The following CACNA2D3 variants were observed in gnomAD, a reference collection of about 807,000 sequenced individuals.
CACNA2D3 encodes calcium voltage-gated channel auxiliary subunit alpha2delta 3.
CACNA2D3 carries 60 observed loss-of-function variants against 160.6 expected under a neutral mutation model. The observed-to-expected ratio is 0.37, with a 90% CI of 0.30 to 0.46. The LOEUF is 0.46. CACNA2D3 is among the 20% of genes least tolerant of loss of function. The pLI is 1.00. For synonymous variants in CACNA2D3, 558 were observed against 492.9 expected (o/e 1.13, Z -1.75); for missense variants, 1,205 against 1,365.0 (o/e 0.88, Z 1.85).
At chr3:54,899,301 A>T (rs77378286) in intron 26 of CACNA2D3, among the ~76,000 whole-genome samples, 1 of 152,178 alleles carries the variant, frequency 6.6e-6, no homozygotes, top group Non-Finnish European at 1.5e-5. Context: ...AATTTTGCCC[A>T]GAAAAACTGG....
At chr3:54,780,798 G>T (rs1702518617) in intron 13 of CACNA2D3, among the ~76,000 whole-genome samples, 1 of 152,088 alleles carries the variant, frequency 6.6e-6, no homozygotes, top group South Asian at 2.1e-4. Context: ...TTCAACTTTT[G>T]TAACAGTATA....
chr3:54,298,944 T>TAAAAAAAAAAAAAAA (rs59100168), intron 2 of CACNA2D3, among the ~76,000 whole-genome samples: 1 of 99,254 alleles, frequency 1.0e-5, no homozygotes, highest in South Asian at 3.2e-4. Context: ...CTCTGTTTCT[T>TAAAAAAAAAAAAAAA]AAAAAAAAAA....
intron 27 of CACNA2D3, among the ~76,000 whole-genome samples, chr3:54,920,386 C>G (rs932218632): frequency 1.3e-5 from 2 of 151,720 alleles, no homozygotes; most frequent in African/African-American, 4.8e-5. Context: ...CTTTTTGTTG[C>G]CACTGCTTAA....
At chr3:54,843,789 C>G (rs752731895) in intron 16 of CACNA2D3, among the ~76,000 whole-genome samples, 5 of 152,130 alleles carry the variant, frequency 3.3e-5, no homozygotes, top group African/African-American at 1.2e-4. Context: ...TGGAGCAAAC[C>G]TGGAGAAAAA....
intron 11 of CACNA2D3, among the ~76,000 whole-genome samples, chr3:54,692,752 C>T (rs752196841): frequency 2.6e-5 from 4 of 152,172 alleles, no homozygotes; most frequent in Non-Finnish European, 5.9e-5. Context: ...TTACAGGTTT[C>T]TTTCATTCTG....
intron 12 of CACNA2D3, among the ~76,000 whole-genome samples, chr3:54,759,772 T>TA (rs1702046137): frequency 6.6e-6 from 1 of 152,170 alleles, no homozygotes; most frequent in African/African-American, 2.4e-5. Context: ...CCATTAGAGT[T>TA]ACCCTCCTGG....
At chr3:54,866,230 A>G (rs1699398464) in intron 17 of CACNA2D3, among the ~76,000 whole-genome samples, 2 of 152,212 alleles carry the variant, frequency 1.3e-5, no homozygotes, top group South Asian at 4.1e-4. Flanking sequence ...GAGGGAAAGA[A>G]TGGATGAGTG....
At chr3:54,192,173 C>T (rs758120272) in intron 2 of CACNA2D3, among the ~76,000 whole-genome samples, 22 of 150,890 alleles carry the variant, frequency 1.5e-4, no homozygotes, top group Non-Finnish European at 2.9e-4. Flanking sequence ...AGTGGGTGGT[C>T]CTTCATCCTC....
At chr3:54,617,272 C>T (rs1171346216) in intron 9 of CACNA2D3, among the ~76,000 whole-genome samples, 1 of 152,150 alleles carries the variant, frequency 6.6e-6, no homozygotes. Flanking sequence ...TTCTGAGAAG[C>T]TGCTTGTAAG....
intron 3 of CACNA2D3, among the ~76,000 whole-genome samples, chr3:54,361,201 C>A (rs897457987): frequency 2.0e-5 from 3 of 151,302 alleles, no homozygotes; most frequent in African/African-American, 7.3e-5. Flanking sequence ...AAGAATTCCA[C>A]AGCATACCAG....
chr3:54,475,222 A>C (rs1273649563), intron 4 of CACNA2D3, among the ~76,000 whole-genome samples: 2 of 152,162 alleles, frequency 1.3e-5, no homozygotes, highest in East Asian at 1.9e-4. Flanking sequence ...CTACCACCAT[A>C]GCTGTCCCTT....
At chr3:55,010,093 C>G (rs1224624957) in intron 34 of CACNA2D3, among the ~76,000 whole-genome samples, 1 of 152,070 alleles carries the variant, frequency 6.6e-6, no homozygotes, top group Non-Finnish European at 1.5e-5. Context: ...TGTGAGAAAT[C>G]ATATTACGTG....
chr3:54,909,652 T>A (rs971648302), intron 27 of CACNA2D3, among the ~76,000 whole-genome samples: 5 of 151,332 alleles, frequency 3.3e-5, no homozygotes, highest in African/African-American at 1.2e-4. Flanking sequence ...GATTTTTTTT[T>A]TTTTTTTTTT....
At chr3:55,039,205 G>A (rs939056166) in intron 35 of CACNA2D3, among the ~76,000 whole-genome samples, 1 of 152,032 alleles carries the variant, frequency 6.6e-6, no homozygotes, top group South Asian at 2.1e-4. Flanking sequence ...AGAAACCAAA[G>A]AACAGTGAGT....
intron 5 of CACNA2D3, among the ~76,000 whole-genome samples, chr3:54,518,300 G>A (rs1354160936): frequency 6.6e-6 from 1 of 152,170 alleles, no homozygotes; most frequent in Non-Finnish European, 1.5e-5. Flanking sequence ...ACAGCATGAT[G>A]GGGAGAAGCT....
chr3:54,767,106 T>C (rs1702239859), intron 13 of CACNA2D3, among the ~76,000 whole-genome samples: 1 of 151,834 alleles, frequency 6.6e-6, no homozygotes, highest in Admixed American at 6.6e-5. Context: ...GACACAACTC[T>C]GAGTATACCT....
chr3:54,153,156 C>A (rs1305280091), intron 2 of CACNA2D3, among the ~76,000 whole-genome samples: 1 of 152,132 alleles, frequency 6.6e-6, no homozygotes, highest in African/African-American at 2.4e-5. Context: ...GCTCTGTGAC[C>A]TTGGGCGGGT....
chr3:54,776,126 TTGAGG>T (rs1374968325), intron 13 of CACNA2D3, among the ~76,000 whole-genome samples: 1 of 152,212 alleles, frequency 6.6e-6, no homozygotes, highest in Non-Finnish European at 1.5e-5. Flanking sequence ...CATGGTTCCA[TTGAGG>T]TCAGATGTCC....
intron 2 of CACNA2D3, among the ~76,000 whole-genome samples, chr3:54,174,408 A>G (rs529627204): frequency 4.6e-5 from 7 of 152,350 alleles, no homozygotes; most frequent in Admixed American, 3.9e-4. Flanking sequence ...AACCATTCTG[A>G]TAACCACAGT....
Sources: allele counts gnomAD v4.1 joint callset (sites outside exome capture counted in the v4.1 genomes callset), GRCh38; gene constraint gnomAD v4.1.1; transcripts MANE v1.5; gene names NCBI Gene and HGNC (gene_info 2026-07-23, HGNC 2026-07-21).